The following ZNF713 variants were observed in gnomAD, a reference collection of about 807,000 sequenced individuals.
ZNF713 encodes the protein zinc finger protein 713.
In ZNF713, 21 loss-of-function variants were observed where a neutral mutation model predicts 28.7. The ratio of observed to expected loss-of-function variants is 0.73; its 90% CI spans 0.52 to 1.05. ZNF713 has a LOEUF of 1.05. Among genes scored for constraint, ZNF713 ranks in the 50% least tolerant of loss-of-function variants. The pLI, the probability that ZNF713 is intolerant of heterozygous loss-of-function variation, is 0.00. For missense variants in ZNF713, 458 were observed against 532.4 expected, an observed-to-expected ratio of 0.86 and a Z score of 1.37; for synonymous variants, 167 against 178.0, an observed-to-expected ratio of 0.94 and a Z score of 0.49.
At chr7:55,912,499 G>C in intron 3 of ZNF713, 136 bp from the exon 4 acceptor site, 1 of 603,204 alleles carries the variant, frequency 1.7e-6, no homozygotes, top group Admixed American at 2.8e-5. Flanking sequence ...TAGAAGAGTA[G>C]AGACGTCACA....
intron 1 of ZNF713, among the ~76,000 whole-genome samples, chr7:55,891,127 G>A (rs1785373868): frequency 6.6e-6 from 1 of 152,074 alleles, no homozygotes; most frequent in South Asian, 2.1e-4. Flanking sequence ...GTTACTATTT[G>A]ATTAGTTCAT....
intron 6 of ZNF713, among the ~76,000 whole-genome samples, chr7:55,932,574 T>C (rs1487228089): frequency 6.6e-6 from 1 of 151,316 alleles, no homozygotes; most frequent in African/African-American, 2.4e-5. Flanking sequence ...CTAACTACTC[T>C]TGCTGTGCTA....
At chr7:55,910,670 AT>A (rs1785768477) in intron 2 of ZNF713, among the ~76,000 whole-genome samples, 1 of 151,800 alleles carries the variant, frequency 6.6e-6, no homozygotes, top group Non-Finnish European at 1.5e-5. Context: ...TAATTTTTGT[AT>A]TTTTTGTAGA....
chr7:55,931,205 GA>G (rs779833124), intron 6 of ZNF713, among the ~76,000 whole-genome samples: 1 of 151,942 alleles, frequency 6.6e-6, no homozygotes, highest in Non-Finnish European at 1.5e-5. Flanking sequence ...AGAATCTCTT[GA>G]ACCTGGGAGT....
chr7:55,891,010 GAAAA>G (rs60114393), intron 1 of ZNF713, among the ~76,000 whole-genome samples: 1 of 142,394 alleles, frequency 7.0e-6, no homozygotes, highest in Non-Finnish European at 1.5e-5. Flanking sequence ...AAAAAAAAAA[GAAAA>G]AAAAATTAAG....
At chr7:55,889,725 A>G (rs1387445439) in intron 1 of ZNF713, among the ~76,000 whole-genome samples, 1 of 152,210 alleles carries the variant, frequency 6.6e-6, no homozygotes, top group East Asian at 1.9e-4. Flanking sequence ...ATTTGAGTGC[A>G]GATTTGTATG....
intron 2 of ZNF713, among the ~76,000 whole-genome samples, chr7:55,909,702 C>T (rs1226224671): frequency 6.6e-6 from 1 of 152,130 alleles, no homozygotes; most frequent in African/African-American, 2.4e-5. Context: ...TTTGTGTCAT[C>T]TACCATTTCT....
chr7:55,901,442 C>G (rs1370104705), intron 1 of ZNF713, among the ~76,000 whole-genome samples: 1 of 152,180 alleles, frequency 6.6e-6, no homozygotes, highest in Non-Finnish European at 1.5e-5. Flanking sequence ...CACAGCCAAA[C>G]CACATCAACT....
chr7:55,915,890 C>G (rs1011260456), intron 4 of ZNF713, among the ~76,000 whole-genome samples: 1 of 152,122 alleles, frequency 6.6e-6, no homozygotes, highest in African/African-American at 2.4e-5. Flanking sequence ...TAAAAATCAT[C>G]CTGGTGCTAT....
intron 1 of ZNF713, among the ~76,000 whole-genome samples, chr7:55,899,801 G>T (rs552244489): frequency 6.7e-6 from 1 of 150,192 alleles, no homozygotes; most frequent in East Asian, 2.1e-4. Flanking sequence ...GAGTGCAGTG[G>T]CACGATCTCA....
At chr7:55,920,995 A>G (rs1377013671) in intron 4 of ZNF713, among the ~76,000 whole-genome samples, 2 of 152,134 alleles carry the variant, frequency 1.3e-5, no homozygotes, top group Non-Finnish European at 2.9e-5. Flanking sequence ...TTGTTAAGGG[A>G]TAATGCACCT....
intron 2 of ZNF713, among the ~76,000 whole-genome samples, chr7:55,910,066 G>T (rs1430329218): frequency 6.6e-6 from 1 of 151,568 alleles, no homozygotes; most frequent in East Asian, 1.9e-4. Flanking sequence ...TCATCATGTT[G>T]CCCAAGCTGG....
chr7:55,925,522 G>A (rs1208809614), intron 6 of ZNF713, among the ~76,000 whole-genome samples: 1 of 152,184 alleles, frequency 6.6e-6, no homozygotes, highest in Non-Finnish European at 1.5e-5. Flanking sequence ...CTGGGAGGCT[G>A]AAGCAAGATA....
At chr7:55,888,448 T>C (rs1322284582) in intron 1 of ZNF713, among the ~76,000 whole-genome samples, 1 of 152,174 alleles carries the variant, frequency 6.6e-6, no homozygotes, top group South Asian at 2.1e-4. Flanking sequence ...AGTGGCACCA[T>C]CATGGCACAC....
At chr7:55,934,323 A>G (rs1232601211) in intron 6 of ZNF713, among the ~76,000 whole-genome samples, 2 of 152,186 alleles carry the variant, frequency 1.3e-5, no homozygotes, top group African/African-American at 4.8e-5. Context: ...CCACCAAAAT[A>G]TTCACAAAAG....
At chr7:55,907,271 T>G (rs75712024) in intron 2 of ZNF713, among the ~76,000 whole-genome samples, 6,563 of 152,254 alleles carry the variant, frequency 0.043, 170 homozygotes, top group Admixed American at 0.061. Flanking sequence ...TTTGGGGCAC[T>G]GGGGATTAAA....
At chr7:55,905,070 A>G (rs904763536) in intron 1 of ZNF713, among the ~76,000 whole-genome samples, 2 of 152,010 alleles carry the variant, frequency 1.3e-5, no homozygotes, top group Non-Finnish European at 2.9e-5. Context: ...TTTCTTCCCT[A>G]TCCAGTCTAG....
intron 1 of ZNF713, among the ~76,000 whole-genome samples, chr7:55,887,940 C>T (rs1169626835): frequency 1.4e-5 from 2 of 138,560 alleles, no homozygotes; most frequent in African/African-American, 2.6e-5. Context: ...GCCGCTGTCC[C>T]CGCTGTCCCC....
chr7:55,920,630 C>T (rs1212124860), intron 4 of ZNF713, among the ~76,000 whole-genome samples: 1 of 152,214 alleles, frequency 6.6e-6, no homozygotes, highest in Non-Finnish European at 1.5e-5. Flanking sequence ...GCAGCAAATG[C>T]TGATATAGTA....
Sources: gnomAD v4.1 joint callset for allele counts (sites outside exome capture counted in the v4.1 genomes callset) on GRCh38, gnomAD v4.1.1 for gene constraint, MANE v1.5 for transcripts, NCBI Gene and HGNC (gene_info 2026-07-23, HGNC 2026-07-21) for gene names.